Variants in MCOLN2 observed in about 807,000 individuals in gnomAD.
The protein encoded by MCOLN2 is mucolipin-2.
A neutral mutation model predicts 67.5 loss-of-function variants in MCOLN2; 57 were observed. The observed-to-expected ratio is 0.84, with a 90% confidence interval of 0.68 to 1.05. The LOEUF (loss-of-function observed/expected upper bound fraction) is 1.05, where lower values mean the gene tolerates loss of function less well. MCOLN2 is among the 50% of genes least tolerant of loss of function. The pLI, the probability that MCOLN2 is intolerant of heterozygous loss-of-function variation, is 0.00. For missense variants in MCOLN2, 620 were observed against 678.8 expected, an observed-to-expected ratio of 0.91 and a Z score of 0.96; for synonymous variants, 246 against 233.3, an observed-to-expected ratio of 1.05 and a Z score of -0.50.
chr1:84,945,928 T>C (rs1380931796), intron 7 of MCOLN2, among the ~76,000 whole-genome samples: 1 of 152,064 alleles, frequency 6.6e-6, no homozygotes, highest in Non-Finnish European at 1.5e-5. Context: ...TTTGTGTTTT[T>C]AGTAGAGACG....
chr1:84,929,747 C>G (rs1335531279), intron 12 of MCOLN2, 68 bp from the exon 13 acceptor site: 1 of 1,504,420 alleles, frequency 6.6e-7, no homozygotes, highest in East Asian at 2.3e-5. Flanking sequence ...TGTCAACAAA[C>G]CAAGCCCACC....
At chr1:84,930,640 A>G (rs1661362383) in intron 12 of MCOLN2, among the ~76,000 whole-genome samples, 1 of 151,958 alleles carries the variant, frequency 6.6e-6, no homozygotes, top group Non-Finnish European at 1.5e-5. Flanking sequence ...CTTCCCACAC[A>G]CTCAAAAGGT....
At chr1:84,969,949 G>A (rs528843011) in intron 1 of MCOLN2, among the ~76,000 whole-genome samples, 29 of 152,256 alleles carry the variant, frequency 1.9e-4, no homozygotes, top group African/African-American at 6.5e-4. Context: ...GTGCTACGGG[G>A]GCATGTGACT....
At chr1:84,962,080 G>C (rs779301232) in intron 2 of MCOLN2, among the ~76,000 whole-genome samples, 1 of 152,088 alleles carries the variant, frequency 6.6e-6, no homozygotes, top group East Asian at 1.9e-4. Context: ...TATTATGCAA[G>C]GAAAGGTGAT....
At chr1:84,988,046 T>C (rs571244957) in intron 1 of MCOLN2, among the ~76,000 whole-genome samples, 2 of 152,214 alleles carry the variant, frequency 1.3e-5, no homozygotes, top group Admixed American at 1.3e-4. Context: ...TGCCACCTGT[T>C]CCCTAAAAAC....
intron 11 of MCOLN2, among the ~76,000 whole-genome samples, chr1:84,936,603 C>A (rs995772301): frequency 6.6e-6 from 1 of 152,114 alleles, no homozygotes; most frequent in African/African-American, 2.4e-5. Context: ...ACTACCAACC[C>A]AGAGGTTGTC....
At chr1:84,976,210 A>G (rs1454943283) in intron 1 of MCOLN2, among the ~76,000 whole-genome samples, 2 of 152,340 alleles carry the variant, frequency 1.3e-5, no homozygotes, top group East Asian at 3.9e-4. Flanking sequence ...AGCAGATTTA[A>G]TCCAAAGAAG....
At chr1:84,947,242 G>A (rs1648163622) in intron 6 of MCOLN2, 110 bp from the exon 7 acceptor site, 1 of 653,922 alleles carries the variant, frequency 1.5e-6, no homozygotes, top group South Asian at 1.8e-5. Flanking sequence ...GATCCAAAGA[G>A]AATTACACAG....
chr1:84,926,649 A>G lies in MCOLN2; in HGVS notation c.*36T>C, dbSNP rs1338504759. On this transcript the variant is annotated 3_prime_UTR_variant, in exon 14 of 14. Transcript: ENST00000370608. ...GGGTTCCTCTGCTCAGCCGCTGGAT[A>G]AGGATGCCTGAACTTTAATCATCTT... 1.3e-6 allele frequency: 2 copies of G among 1,524,696 alleles called. No homozygotes were observed. The highest frequency in any genetic ancestry group is 1.8e-6 in the Non-Finnish European group (2 of 1,120,270). 94.4% of individuals were successfully genotyped at this position (1,524,696 alleles called of 1,614,324 possible).
At chr1:84,963,645 T>C (rs969766823) in intron 2 of MCOLN2, among the ~76,000 whole-genome samples, 2 of 152,098 alleles carry the variant, frequency 1.3e-5, no homozygotes, top group Admixed American at 1.3e-4. Flanking sequence ...TGAGTTCTCA[T>C]GAGATCTGGT....
intron 1 of MCOLN2, among the ~76,000 whole-genome samples, chr1:84,987,539 TAC>T (rs1359904162): frequency 0.38 from 28,492 of 74,506 alleles, 9,175 homozygotes; most frequent in East Asian, 0.64. Context: ...CATCTATGTA[TAC>T]ATAGATGTAT....
intron 6 of MCOLN2, among the ~76,000 whole-genome samples, chr1:84,950,216 C>G (rs1648350443): frequency 6.6e-6 from 1 of 152,178 alleles, no homozygotes; most frequent in Non-Finnish European, 1.5e-5. Flanking sequence ...TTCTTCACAA[C>G]TTTCTGTTAT....
intron 1 of MCOLN2, among the ~76,000 whole-genome samples, chr1:84,977,850 A>G (rs111687161): frequency 0.14 from 21,420 of 152,160 alleles, 1,733 homozygotes; most frequent in East Asian, 0.26. Flanking sequence ...GAAAATCAAC[A>G]AAGAAATACT....
chr1:84,962,764 G>A (rs1248078955), intron 2 of MCOLN2, among the ~76,000 whole-genome samples: 1 of 152,198 alleles, frequency 6.6e-6, no homozygotes, highest in African/African-American at 2.4e-5. Context: ...GTAGGAAATA[G>A]TAGATGAAAA....
In MCOLN2 at chr1:84,937,895, A is replaced by G. The variant is rs1438197969; in HGVS notation, c.1213-18T>C. Reference sequence around the variant, plus strand: ...ATCAGCACCTGAAAAAAAGAACAGAATGGGTGAAATGAAAAAGTAGCTATT... The same window carrying G: ...ATCAGCACCTGAAAAAAAGAACAGAGTGGGTGAAATGAAAAAGTAGCTATT... On this transcript the variant is annotated intron_variant, in intron 10 of 13. Coordinates refer to ENST00000370608, the MANE Select transcript of MCOLN2 (RefSeq NM_153259.4). 4 of 1,614,046 alleles carry G rather than the reference A, an allele frequency of 2.5e-6. No homozygotes were observed. Among genetic ancestry groups the G allele is most frequent in the South Asian group, 2.2e-5 (2 of 91,086 alleles).
Position 84,956,467 on chromosome 1 carries a change from T to C in MCOLN2, c.529A>G (p.Asn177Asp), listed in dbSNP as rs1174912870. The change falls in exon 4 of 14, where the codon AAT becomes GAT. Residue 177 changes from asparagine to aspartate, a missense_variant. Asn to Asp is a conservative substitution (Grantham distance 23). Coordinates refer to ENST00000370608, the MANE Select transcript of MCOLN2 (RefSeq NM_153259.4). ...TCGTTGTCAATATTCAGTGTCTCAT[T>C]AGAAGGAAACATGGTCCCTTTCTTG... ...HYKKGTMFPS[N>D]ETLNIDNDVE... is the part of the protein sequence containing the mutation. The C allele has an allele frequency of 6.2e-7, 1 of 1,611,504 alleles. No homozygotes were observed. Among genetic ancestry groups the C allele is most frequent in the Non-Finnish European group, 8.5e-7 (1 of 1,179,194 alleles).
chr1:84,974,443 T>C (rs1426715441), intron 1 of MCOLN2, among the ~76,000 whole-genome samples: 1 of 151,718 alleles, frequency 6.6e-6, no homozygotes, highest in Non-Finnish European at 1.5e-5. Flanking sequence ...GCATCTTGGA[T>C]ACCGGCTCAG....
Position 84,937,819 on chromosome 1 carries a change from GCAC to G in MCOLN2, c.1268_1270del (p.Cys423_Ala424delinsSer). Reference sequence around the variant, plus strand: ...TGTGTAACCCAGATAAATCATACCAGCACAAGCACAAAACCGAAGAACTTTTGG... The same window carrying G: ...TGTGTAACCCAGATAAATCATACCAGAAGCACAAAACCGAAGAACTTTTGG... On this transcript the variant is annotated inframe_deletion, in exon 11 of 14. Coordinates refer to ENST00000370608, the MANE Select transcript of MCOLN2 (RefSeq NM_153259.4). The G allele has an allele frequency of 1.2e-6, 2 of 1,614,136 alleles. No individual in the cohort carries two copies. Among genetic ancestry groups the G allele is most frequent in the Non-Finnish European group, 1.7e-6 (2 of 1,180,018 alleles).
intron 1 of MCOLN2, among the ~76,000 whole-genome samples, chr1:84,970,138 G>A (rs1481790121): frequency 6.6e-6 from 1 of 152,136 alleles, no homozygotes; most frequent in Admixed American, 6.5e-5. Flanking sequence ...GATCAGTGTT[G>A]CTAAAGCATC....
Sources: allele counts gnomAD v4.1 joint callset (sites outside exome capture counted in the v4.1 genomes callset), GRCh38; gene constraint gnomAD v4.1.1; transcripts MANE v1.5; gene names NCBI Gene and HGNC (gene_info 2026-07-23, HGNC 2026-07-21).